Variants in DACH2 observed in about 807,000 individuals in gnomAD.
DACH2 encodes the protein dachshund family transcription factor 2, also known as dachshund homolog 2.
DACH2 carries 17 observed loss-of-function variants against 35.8 expected under a neutral mutation model. That is an observed-to-expected ratio of 0.48 (90% confidence interval 0.33 to 0.71). The LOEUF (loss-of-function observed/expected upper bound fraction) is 0.71. DACH2 is among the 30% of genes least tolerant of loss of function. The pLI, the probability that DACH2 is intolerant of heterozygous loss-of-function variation, is 0.02. For missense variants in DACH2, 469 were observed against 472.7 expected (o/e 0.99, Z 0.07); for synonymous variants, 195 against 177.3 (o/e 1.10, Z -0.79).
chrX:86,376,729 A>T, intron 1 of DACH2, 95 bp from the exon 2 acceptor site: 1 of 1,053,685 alleles, frequency 9.5e-7, no homozygotes, highest in Non-Finnish European at 1.2e-6. Context: ...TGTTTTGTGA[A>T]ATATAATAAA....
chrX:86,748,557 G>A lies in DACH2; in HGVS notation c.1240+8675G>A, dbSNP rs1476933768. Among the ~76,000 whole-genome samples the A allele has an allele frequency of 3.6e-5, 4 of 111,827 alleles. No individual in the cohort carries two copies. The South Asian group carries it at 1.1e-3, about 31-fold the overall frequency. On this transcript the variant is annotated intron_variant, in intron 7 of 11. Transcript: ENST00000373125. ...TCTTTTTGAGCCATAGGTCTCAATAGTGGGCTTAAAATGTTCAGTAAAGCA... is the reference window on the plus strand; with the variant it reads ...TCTTTTTGAGCCATAGGTCTCAATAATGGGCTTAAAATGTTCAGTAAAGCA...
At chrX:86,629,171 T>C (rs2040170464) in intron 3 of DACH2, among the ~76,000 whole-genome samples, 2 of 111,563 alleles carry the variant, frequency 1.8e-5, no homozygotes, top group African/African-American at 6.5e-5. Context: ...CAGGTAGTCT[T>C]CCTGCATTTC....
At chrX:86,720,515 T>C (rs749177852) in intron 6 of DACH2, among the ~76,000 whole-genome samples, 1 of 112,017 alleles carries the variant, frequency 8.9e-6, no homozygotes, top group East Asian at 2.8e-4. Flanking sequence ...ACAATATTCT[T>C]TGACTCCATA....
In DACH2 at chrX:86,513,084, C is replaced by A. The variant is rs763056378; in HGVS notation, c.528-1195C>A. ...GTAACGATACCTCCGTGTAAGGTTG[C>A]TAGAAGTTGTTTTTCATTTAAAAGC... is the stretch of plus-strand genomic sequence containing the variant. On this transcript the variant is annotated intron_variant, in intron 2 of 11. Transcript: ENST00000373125. 1.5e-3 allele frequency among the ~76,000 whole-genome samples: 171 copies of A among 111,664 alleles called. 1 individual carries two copies. Among genetic ancestry groups the A allele is most frequent in the Non-Finnish European group, 2.9e-3 (155 of 53,097 alleles).
chrX:86,716,690 A>G (rs1355541800), intron 6 of DACH2, among the ~76,000 whole-genome samples: 1 of 112,004 alleles, frequency 8.9e-6, no homozygotes, highest in East Asian at 2.8e-4. Flanking sequence ...ATTTTGTTTG[A>G]ATGTTTGAGA....
At chrX:86,788,125 C>G (rs7060704) in intron 7 of DACH2, among the ~76,000 whole-genome samples, 37,520 of 109,916 alleles carry the variant, frequency 0.34, 5,027 homozygotes, top group African/African-American at 0.41. Flanking sequence ...CTGAAGTTGT[C>G]AGCATGCTTA....
chrX:86,257,564 T>C (rs1164887578), intron 1 of DACH2, among the ~76,000 whole-genome samples: 1 of 111,640 alleles, frequency 9.0e-6, no homozygotes, highest in African/African-American at 3.3e-5. Flanking sequence ...CATGCCACCA[T>C]GCTCGTTTAA....
chrX:86,177,704 A>C (rs112342731), intron 1 of DACH2, among the ~76,000 whole-genome samples: 1 of 111,271 alleles, frequency 9.0e-6, no homozygotes, highest in African/African-American at 3.3e-5. Context: ...GTGAATTTTA[A>C]TTTCTGCAGC....
chrX:86,771,903 G>A (rs147453324), intron 7 of DACH2, among the ~76,000 whole-genome samples: 112 of 111,563 alleles, frequency 1.0e-3, no homozygotes, highest in Non-Finnish European at 1.9e-3. Flanking sequence ...CATCATTCCA[G>A]TGTCTGTTCT....
At chrX:86,393,206 T>TTC (rs767417422) in intron 2 of DACH2, among the ~76,000 whole-genome samples, 124 of 111,384 alleles carry the variant, frequency 1.1e-3, no homozygotes, top group African/African-American at 3.9e-3. Flanking sequence ...ACATTCCATT[T>TTC]TCTCTCTCAC....
At chrX:86,571,449 C>T (rs951853188) in intron 3 of DACH2, among the ~76,000 whole-genome samples, 1 of 109,248 alleles carries the variant, frequency 9.2e-6, no homozygotes, top group African/African-American at 3.3e-5. Context: ...CCTCCCCGCT[C>T]CCCCCACCCC....
intron 2 of DACH2, among the ~76,000 whole-genome samples, chrX:86,435,933 A>C (rs929433286): frequency 9.0e-5 from 10 of 111,699 alleles, no homozygotes; most frequent in African/African-American, 3.2e-4. Context: ...TGTTTCTCCT[A>C]AACTTGTGGC....
intron 7 of DACH2, among the ~76,000 whole-genome samples, chrX:86,755,593 A>AT (rs35672351): frequency 0.042 from 3,243 of 77,586 alleles, 182 homozygotes; most frequent in African/African-American, 0.12. Context: ...TCTTGACCTA[A>AT]TTTTTTTTTT....
At chrX:86,484,218 A>G (rs941111185) in intron 2 of DACH2, among the ~76,000 whole-genome samples, 1 of 111,845 alleles carries the variant, frequency 8.9e-6, no homozygotes, top group Admixed American at 9.5e-5. Flanking sequence ...CATCAAGATT[A>G]AGTAAAATGT....
At chrX:86,410,328 A>G (rs181813684) in intron 2 of DACH2, among the ~76,000 whole-genome samples, 120 of 112,474 alleles carry the variant, frequency 1.1e-3, no homozygotes, top group Non-Finnish European at 2.2e-3. Context: ...CTGTTTTGCC[A>G]TGAATTATTT....
At chrX:86,573,956 AT>A (rs1040952437) in intron 3 of DACH2, among the ~76,000 whole-genome samples, 4 of 111,852 alleles carry the variant, frequency 3.6e-5, no homozygotes, top group Admixed American at 2.9e-4. Context: ...AAAGAAAAAA[AT>A]TCAGCATATT....
intron 3 of DACH2, among the ~76,000 whole-genome samples, chrX:86,548,090 C>T (rs776165496): frequency 5.0e-4 from 56 of 112,436 alleles, no homozygotes; most frequent in Non-Finnish European, 9.2e-4. Flanking sequence ...CAAGCCTTCA[C>T]TTAGTGTGAA....
intron 1 of DACH2, among the ~76,000 whole-genome samples, chrX:86,163,947 C>T (rs901059709): frequency 5.4e-5 from 6 of 111,528 alleles, no homozygotes; most frequent in Non-Finnish European, 9.4e-5. Flanking sequence ...ATACCCAGTA[C>T]TGGGATTGCT....
chrX:86,307,160 A>C (rs2034705737), intron 1 of DACH2, among the ~76,000 whole-genome samples: 2 of 111,921 alleles, frequency 1.8e-5, no homozygotes, highest in South Asian at 7.5e-4. Context: ...TTCAGTGGAA[A>C]AAATGATGAA....
Sources: allele counts gnomAD v4.1 joint callset (sites outside exome capture counted in the v4.1 genomes callset), GRCh38; gene constraint gnomAD v4.1.1; transcripts MANE v1.5; gene names NCBI Gene and HGNC (gene_info 2026-07-23, HGNC 2026-07-21).